CBLN2: variants seen among roughly 807,000 people sequenced by gnomAD.
The protein encoded by CBLN2 is cerebellin-2.
A neutral mutation model predicts 15.0 loss-of-function variants in CBLN2; 7 were observed. The observed-to-expected ratio is 0.47, with a 90% CI of 0.27 to 0.88. CBLN2 has a LOEUF of 0.88. CBLN2 is among the 40% of genes least tolerant of loss of function. The pLI, the probability that CBLN2 is intolerant of heterozygous loss-of-function variation, is 0.14. For synonymous variants in CBLN2, 149 were observed against 135.2 expected (o/e 1.10, Z -0.71); for missense variants, 242 against 304.5 (o/e 0.79, Z 1.53).
intron 1 of CBLN2, among the ~76,000 whole-genome samples, chr18:72,556,724 A>G (rs1343489220): frequency 6.6e-6 from 1 of 152,186 alleles, no homozygotes; most frequent in African/African-American, 2.4e-5. Flanking sequence ...CTTATCTTGA[A>G]AAAAATAAGA....
intron 1 of CBLN2, among the ~76,000 whole-genome samples, chr18:72,637,488 G>T (rs56010018): frequency 6.6e-6 from 1 of 152,104 alleles, no homozygotes; most frequent in Non-Finnish European, 1.5e-5. Flanking sequence ...TGGGCACAGA[G>T]GCTGGCGTGA....
intron 1 of CBLN2, among the ~76,000 whole-genome samples, chr18:72,599,625 TCATACCAGAGCC>T (rs2069535225): frequency 6.6e-6 from 1 of 152,198 alleles, no homozygotes; most frequent in African/African-American, 2.4e-5. Flanking sequence ...CATGGGACAT[TCATACCAGAGCC>T]CATTTTTATA....
At chr18:72,538,491 G>A in intron 4 of CBLN2, 118 bp from the exon 5 acceptor site, 2 of 1,428,432 alleles carry the variant, frequency 1.4e-6, no homozygotes, top group South Asian at 2.5e-5. Context: ...TACACATCAG[G>A]GGAGCCTGAC....
At chr18:72,606,372 C>T (rs2069583669) in intron 1 of CBLN2, among the ~76,000 whole-genome samples, 1 of 152,062 alleles carries the variant, frequency 6.6e-6, no homozygotes, top group Admixed American at 6.6e-5. Context: ...AAATCGTTTT[C>T]CTGTATAAGA....
At chr18:72,602,178 G>C (rs1374847748) in intron 1 of CBLN2, among the ~76,000 whole-genome samples, 1 of 152,130 alleles carries the variant, frequency 6.6e-6, no homozygotes, top group South Asian at 2.1e-4. Flanking sequence ...TTTAGATGTT[G>C]GTTCGATTCT....
At chr18:72,568,142 T>G (rs1211037378) in intron 1 of CBLN2, among the ~76,000 whole-genome samples, 1 of 152,184 alleles carries the variant, frequency 6.6e-6, no homozygotes, top group East Asian at 1.9e-4. Flanking sequence ...TGACCTGTTG[T>G]GTATAACCAG....
intron 1 of CBLN2, among the ~76,000 whole-genome samples, chr18:72,634,577 T>G (rs149002095): frequency 1.3e-5 from 2 of 152,250 alleles, no homozygotes; most frequent in East Asian, 3.9e-4. Flanking sequence ...CAGATAAGTA[T>G]TCTATAATAT....
chr18:72,553,223 C>A (rs12957407), intron 1 of CBLN2, among the ~76,000 whole-genome samples: 85,597 of 151,972 alleles, frequency 0.56, 29,295 homozygotes, highest in Non-Finnish European at 0.77. Context: ...AAACAAAACA[C>A]TGAGCTGGAT....
chr18:72,548,008 C>T (rs977683347), upstream of CBLN2, among the ~76,000 whole-genome samples: 12 of 152,088 alleles, frequency 7.9e-5, no homozygotes, highest in Admixed American at 5.9e-4. Context: ...TCATAGGGTA[C>T]GATGAATTAA....
At chr18:72,622,648 T>C (rs975165485) in intron 1 of CBLN2, among the ~76,000 whole-genome samples, 1 of 152,144 alleles carries the variant, frequency 6.6e-6, no homozygotes, top group African/African-American at 2.4e-5. Context: ...TGTGGTAAAT[T>C]ACCATTCTTG....
At chr18:72,637,786 G>A (rs1391051540) in intron 1 of CBLN2, among the ~76,000 whole-genome samples, 1 of 152,214 alleles carries the variant, frequency 6.6e-6, no homozygotes, top group Non-Finnish European at 1.5e-5. Context: ...AGAAATAGGG[G>A]AGAAAAGCAG....
intron 1 of CBLN2, among the ~76,000 whole-genome samples, chr18:72,560,151 G>A (rs1237075111): frequency 6.6e-6 from 1 of 152,172 alleles, no homozygotes; most frequent in Non-Finnish European, 1.5e-5. Flanking sequence ...GTAAGCACAA[G>A]GGCTGTGTCT....
chr18:72,588,911 C>T (rs1599012596), intron 1 of CBLN2, among the ~76,000 whole-genome samples: 1 of 152,148 alleles, frequency 6.6e-6, no homozygotes, highest in Non-Finnish European at 1.5e-5. Flanking sequence ...GAAAAGTGCG[C>T]GGAGATGGGA....
intron 3 of CBLN2, 67 bp downstream of exon 3, chr18:72,541,737 G>T: frequency 2.2e-6 from 3 of 1,342,386 alleles, no homozygotes; most frequent in Non-Finnish European, 3.0e-6. Context: ...CTGAACCCCA[G>T]CCCGCGCGCG....
chr18:72,604,426 G>A (rs962981269), intron 1 of CBLN2, among the ~76,000 whole-genome samples: 3 of 152,086 alleles, frequency 2.0e-5, no homozygotes, highest in African/African-American at 7.2e-5. Flanking sequence ...TTATCAAAGT[G>A]TCTATTTACC....
chr18:72,590,920 A>G (rs1027354795), intron 1 of CBLN2, among the ~76,000 whole-genome samples: 5 of 152,228 alleles, frequency 3.3e-5, no homozygotes, highest in African/African-American at 1.2e-4. Context: ...TTTATCTTGG[A>G]TAATTTGAAC....
intron 3 of CBLN2, chr18:72,539,719 C>A (rs1299376259): frequency 6.6e-6 from 1 of 151,990 alleles, no homozygotes; most frequent in East Asian, 1.9e-4. Context: ...CAATTTCTTT[C>A]AGATGCTCAA....
chr18:72,611,002 C>T (rs2069618187), intron 1 of CBLN2, among the ~76,000 whole-genome samples: 2 of 152,190 alleles, frequency 1.3e-5, no homozygotes, highest in South Asian at 4.1e-4. Flanking sequence ...ATCCGATTTT[C>T]TGTTTCTGTG....
At chr18:72,545,538 C>G (rs1386628923), upstream of CBLN2, among the ~76,000 whole-genome samples, 1 of 152,258 alleles carries the variant, frequency 6.6e-6, no homozygotes, top group South Asian at 2.1e-4. Context: ...TGTTTTGTTA[C>G]CATTTTTGTG....
Sources: allele counts gnomAD v4.1 joint callset (sites outside exome capture counted in the v4.1 genomes callset), GRCh38; gene constraint gnomAD v4.1.1; transcripts MANE v1.5; gene names NCBI Gene and HGNC (gene_info 2026-07-23, HGNC 2026-07-21).